MTHFD1L: variants seen among roughly 807,000 people sequenced by gnomAD.
MTHFD1L encodes methylenetetrahydrofolate dehydrogenase (NADP+ dependent) 1 like, also known as monofunctional C1-tetrahydrofolate synthase, mitochondrial.
Under a neutral mutation model 119.5 loss-of-function variants are expected in MTHFD1L, and 81 were observed. The ratio of observed to expected loss-of-function variants is 0.68; its 90% confidence interval spans 0.57 to 0.82. The LOEUF (loss-of-function observed/expected upper bound fraction) is 0.82, where lower values mean the gene tolerates loss of function less well. Ranked by LOEUF, MTHFD1L falls within the 40% of genes least tolerant of loss-of-function variation. MTHFD1L has a pLI of 0.00. For synonymous variants in MTHFD1L, 430 were observed against 475.2 expected (o/e 0.90, Z 1.24); for missense variants, 1,125 against 1,253.4 (o/e 0.90, Z 1.55).
chr6:150,911,084 C>T (rs1446161902), intron 8 of MTHFD1L, among the ~76,000 whole-genome samples: 3 of 151,466 alleles, frequency 2.0e-5, no homozygotes, highest in Admixed American at 6.6e-5. Flanking sequence ...TAGATCTATC[C>T]CTGAAGTATA....
At chr6:151,055,094 C>T (rs1177618032) in intron 26 of MTHFD1L, 1 of 152,026 alleles carries the variant, frequency 6.6e-6, no homozygotes, top group Non-Finnish European at 1.5e-5. Context: ...GGTGAAACCT[C>T]ATTTCTACTA....
intron 10 of MTHFD1L, among the ~76,000 whole-genome samples, chr6:150,923,725 G>A (rs1789469408): frequency 1.3e-5 from 2 of 151,014 alleles, no homozygotes; most frequent in African/African-American, 4.9e-5. Flanking sequence ...CCATTTCCTT[G>A]GACAGTCAGA....
chr6:150,981,088 G>A (rs116341397), intron 20 of MTHFD1L, among the ~76,000 whole-genome samples: 1,797 of 151,984 alleles, frequency 0.012, 31 homozygotes, highest in African/African-American at 0.04. Context: ...ATATGAATTC[G>A]AAGGAAAAAA....
intron 26 of MTHFD1L, among the ~76,000 whole-genome samples, chr6:151,061,697 G>C (rs1562615342): frequency 6.6e-6 from 1 of 152,190 alleles, no homozygotes; most frequent in Non-Finnish European, 1.5e-5. Context: ...ATCAATGAAA[G>C]TTTCTGGAGT....
At position 151,069,261 on chromosome 6, in the gene MTHFD1L, C is replaced by A. The variant is rs1029727697; in HGVS notation, c.2848-23206C>A. On this transcript the variant is annotated intron_variant, in intron 26 of 27. Coordinates refer to ENST00000367321, the MANE Select transcript of MTHFD1L (RefSeq NM_015440.5). ...CTATCTTCTCTCTCTTTCTCTCTCTCTCTCTCTCTCTCTCTCTCTCCCTCC... is the reference window on the plus strand; with the variant it reads ...CTATCTTCTCTCTCTTTCTCTCTCTATCTCTCTCTCTCTCTCTCTCCCTCC... Among the ~76,000 whole-genome samples the A allele has an allele frequency of 6.0e-5, 9 of 150,520 alleles. No individual in the cohort carries two copies. The South Asian group carries it at 1.1e-3, about 18-fold the overall frequency.
chr6:151,049,470 CAA>C (rs1407150968), intron 26 of MTHFD1L, among the ~76,000 whole-genome samples: 2 of 129,158 alleles, frequency 1.5e-5, no homozygotes, highest in Non-Finnish European at 3.1e-5. Flanking sequence ...CCAGCCTGGG[CAA>C]GACAGCGAGA....
chr6:150,891,425 AAT>A (rs1320897528), intron 7 of MTHFD1L, among the ~76,000 whole-genome samples: 2 of 149,094 alleles, frequency 1.3e-5, no homozygotes, highest in Non-Finnish European at 3.0e-5. Flanking sequence ...ACATACATAT[AAT>A]ATGTATTACA....
intron 26 of MTHFD1L, among the ~76,000 whole-genome samples, chr6:151,041,406 G>A (rs1389799386): frequency 1.3e-5 from 2 of 152,196 alleles, no homozygotes; most frequent in Non-Finnish European, 2.9e-5. Flanking sequence ...GGGGAATGGG[G>A]ACACCAGGGG....
At chr6:151,017,570 C>G (rs1783286210) in intron 24 of MTHFD1L, among the ~76,000 whole-genome samples, 1 of 152,146 alleles carries the variant, frequency 6.6e-6, no homozygotes, top group Non-Finnish European at 1.5e-5. Context: ...TGGTCTCAAA[C>G]TCCTGACCTT....
At chr6:151,028,668 G>C (rs1406597986) in intron 24 of MTHFD1L, among the ~76,000 whole-genome samples, 1 of 152,176 alleles carries the variant, frequency 6.6e-6, no homozygotes, top group Non-Finnish European at 1.5e-5. Flanking sequence ...ATGGAAAGTT[G>C]CTGCTTAATG....
At chr6:150,933,431 C>G (rs1387770831) in intron 11 of MTHFD1L, among the ~76,000 whole-genome samples, 1 of 151,798 alleles carries the variant, frequency 6.6e-6, no homozygotes, top group African/African-American at 2.4e-5. Flanking sequence ...TCCAAGAAAA[C>G]AGAAAGTTGA....
chr6:151,043,593 GT>G (rs1339312414), intron 26 of MTHFD1L, among the ~76,000 whole-genome samples: 2 of 152,182 alleles, frequency 1.3e-5, no homozygotes, highest in African/African-American at 4.8e-5. Flanking sequence ...GTCCGACCAA[GT>G]TGGAATTCAT....
chr6:150,979,880 T>C, intron 20 of MTHFD1L, among the ~76,000 whole-genome samples: 1 of 152,116 alleles, frequency 6.6e-6, no homozygotes, highest in East Asian at 1.9e-4. Context: ...GCTTGTTCTC[T>C]CTTTCCACTT....
intron 9 of MTHFD1L, among the ~76,000 whole-genome samples, chr6:150,919,869 A>G (rs963929269): frequency 1.2e-4 from 18 of 152,146 alleles, no homozygotes; most frequent in Non-Finnish European, 1.3e-4. Flanking sequence ...AACTATATCA[A>G]ATTGTTTAGG....
intron 26 of MTHFD1L, chr6:151,041,964 G>T: frequency 2.8e-6 from 1 of 363,188 alleles, no homozygotes; most frequent in Non-Finnish European, 5.6e-6. Context: ...TTATAGGCCA[G>T]GGTTTTTTTT....
At chr6:150,922,742 C>G (rs368382443) in intron 10 of MTHFD1L, among the ~76,000 whole-genome samples, 194 of 147,702 alleles carry the variant, frequency 1.3e-3, no homozygotes, top group South Asian at 4.4e-3. Flanking sequence ...CTCCCAGGTT[C>G]AAGCGATTCT....
chr6:150,873,218 G>A (rs1779837192), intron 1 of MTHFD1L, among the ~76,000 whole-genome samples: 1 of 152,106 alleles, frequency 6.6e-6, no homozygotes, highest in Non-Finnish European at 1.5e-5. Flanking sequence ...AGGAGACTGA[G>A]GCAGGAGAAT....
intron 8 of MTHFD1L, among the ~76,000 whole-genome samples, chr6:150,916,292 CTTT>C (rs71554488): frequency 7.5e-5 from 3 of 39,984 alleles, no homozygotes; most frequent in African/African-American, 9.8e-5. Context: ...AAGGTAGAAT[CTTT>C]TTTTTTTTTT....
intron 24 of MTHFD1L, among the ~76,000 whole-genome samples, chr6:151,030,526 T>A: frequency 6.6e-6 from 1 of 152,244 alleles, no homozygotes; most frequent in Non-Finnish European, 1.5e-5. Flanking sequence ...TGCCAGGCAT[T>A]GGTTGATCAG....
Sources: allele counts gnomAD v4.1 joint callset (sites outside exome capture counted in the v4.1 genomes callset), GRCh38; gene constraint gnomAD v4.1.1; transcripts MANE v1.5; gene names NCBI Gene and HGNC (gene_info 2026-07-23, HGNC 2026-07-21).